Variants in ERC1 observed in about 807,000 individuals in gnomAD.
ERC1 encodes ELKS/RAB6-interacting/CAST family member 1, also known as RAB6 interacting protein 2.
In ERC1, 56 loss-of-function variants were observed where a neutral mutation model predicts 132.0. The ratio of observed to expected loss-of-function variants is 0.42; its 90% CI spans 0.34 to 0.53. The LOEUF is 0.53. Among genes scored for constraint, ERC1 ranks in the 20% least tolerant of loss-of-function variants. The pLI is 0.03. For missense variants in ERC1, 1,202 were observed against 1,349.9 expected (o/e 0.89, Z 1.72); for synonymous variants, 478 against 476.1 (o/e 1.00, Z -0.05).
chr12:1,189,869 C>T lies in ERC1; in HGVS notation c.2168C>T (p.Ala723Val). 6.2e-7 allele frequency: 1 copy of T among 1,603,648 alleles called. No homozygotes were observed. Among genetic ancestry groups the T allele is most frequent in the Non-Finnish European group, 8.5e-7 (1 of 1,174,348 alleles). Residue 723 changes from alanine (A) to valine (V), a missense_variant, in exon 12 of 19, where the codon GCA (alanine) becomes GTA (valine). By Grantham distance (64) the Ala-to-Val change is moderately conservative. Transcript: ENST00000360905. ...TGCTTTTCTTTGTAGGCACATGAGG[C>T]AGCATTGGAAGCCAGAGCCAGTCCA... ...MESQLKKAHE[A>V]ALEARASPEM...
chr12:1,122,487 ATCTC>A (rs576655141), intron 7 of ERC1, among the ~76,000 whole-genome samples: 2 of 29,336 alleles, frequency 6.8e-5, no homozygotes, highest in East Asian at 1.8e-3. Context: ...CTCTATCTCT[ATCTC>A]TATCTCTATC....
rs963579453 is a variant in ERC1, at chr12:993,862, A to G, written c.-157+2540A>G. Among the ~76,000 whole-genome samples the G allele has an allele frequency of 2.0e-5, 3 of 152,152 alleles. No homozygotes were observed. The South Asian group carries it at 6.2e-4, about 32-fold the overall frequency. On this transcript the variant is annotated intron_variant, in intron 1 of 18. Coordinates refer to ENST00000360905, the MANE Select transcript of ERC1 (RefSeq NM_178040.4). ...GGCTGCAGTGAGCCGAGATCATGCC[A>G]CTGCACTCCAGTCTGGGCTACAGAG...
intron 7 of ERC1, among the ~76,000 whole-genome samples, chr12:1,129,001 A>G (rs1045800815): frequency 1.3e-5 from 2 of 152,200 alleles, no homozygotes; most frequent in Non-Finnish European, 2.9e-5. Context: ...AGCCCAACTT[A>G]TATGTAGGAG....
chr12:1,289,420 T>C (rs774837883), intron 14 of ERC1, among the ~76,000 whole-genome samples: 8 of 152,034 alleles, frequency 5.3e-5, no homozygotes, highest in Non-Finnish European at 1.0e-4. Context: ...CTAAAAATTA[T>C]TCGTCTATGT....
At chr12:1,039,735 A>C (rs1969850583) in intron 2 of ERC1, among the ~76,000 whole-genome samples, 1 of 152,240 alleles carries the variant, frequency 6.6e-6, no homozygotes, top group Admixed American at 6.5e-5. Flanking sequence ...TGGAGATAAG[A>C]GACTAATGAC....
rs546793830 is a variant in ERC1 at position 1,434,247 on chromosome 12, G to A, written c.3025-10315G>A. The stretch of plus-strand genomic sequence containing the variant: ...GATTTCCTCACTAAAACTGGACGTG[G>A]CTTCCTTTGTGCAGTAGCTTTTTTG... On this transcript the variant is annotated intron_variant, in intron 17 of 18. Coordinates refer to ENST00000360905, the MANE Select transcript of ERC1 (RefSeq NM_178040.4). 2.4e-3 allele frequency among the ~76,000 whole-genome samples: 359 copies of A among 152,264 alleles called. 2 individuals are homozygous for A. The highest frequency in any genetic ancestry group is 2.9e-3 in the Admixed American group (44 of 15,296).
At position 1,024,914 on chromosome 12, in the gene ERC1, AATAAGT is replaced by A. The variant is rs1473331137; in HGVS notation, c.-156-2829_-156-2824del. Among the ~76,000 whole-genome samples, 422 of 152,126 alleles carry A rather than the reference AATAAGT, an allele frequency of 2.8e-3. 4 individuals are homozygous for A. Among genetic ancestry groups the A allele is most frequent in the African/African-American group, 9.7e-3 (402 of 41,446 alleles). ...GAAAAATAATACAAATAAAAAACAC[AATAAGT>A]ATAACAACGATTTACATAGCATCTA... On this transcript the variant is annotated intron_variant, in intron 1 of 18. Transcript: ENST00000360905.
chr12:1,095,508 C>T (rs144844717), intron 3 of ERC1, among the ~76,000 whole-genome samples: 1 of 152,098 alleles, frequency 6.6e-6, no homozygotes, highest in African/African-American at 2.4e-5. Flanking sequence ...TGGTCTACCA[C>T]ATTTGAAAGT....
At position 1,109,189 on chromosome 12, in the gene ERC1, C is replaced by T. The variant is rs571523790; in HGVS notation, c.1162-1003C>T. On this transcript the variant is annotated intron_variant, in intron 4 of 18. Coordinates refer to ENST00000360905, the MANE Select transcript of ERC1 (RefSeq NM_178040.4). ...TAGCCTGGGGAGAAACTAGGTACTG[C>T]GACAAACAAAATCAAGAGATCGAAT... Among the ~76,000 whole-genome samples, 9 of 152,064 alleles carry T rather than the reference C, an allele frequency of 5.9e-5. No individual in the cohort carries two copies. In the East Asian group the frequency reaches 9.6e-4, roughly 16 times the overall value.
At chr12:1,474,433 CTATGAA>C (rs2093930320) in intron 18 of ERC1, among the ~76,000 whole-genome samples, 1 of 152,194 alleles carries the variant, frequency 6.6e-6, no homozygotes, top group Non-Finnish European at 1.5e-5. Context: ...TGCTTTGTGA[CTATGAA>C]TAGAGTTGTT....
intron 4 of ERC1, among the ~76,000 whole-genome samples, chr12:1,108,433 A>G (rs768276755): frequency 1.4e-4 from 22 of 152,202 alleles, no homozygotes; most frequent in Non-Finnish European, 3.1e-4. Context: ...TGCTGGAGAT[A>G]CACTTCCCTC....
At chr12:1,172,509 T>A (rs1468456142) in intron 8 of ERC1, among the ~76,000 whole-genome samples, 1 of 152,196 alleles carries the variant, frequency 6.6e-6, no homozygotes, top group Non-Finnish European at 1.5e-5. Flanking sequence ...AGTTTACTAC[T>A]CAATAATGAT....
rs78178457 is a variant in ERC1, at chr12:1,139,389, G to A, written c.1570-2231G>A. On this transcript the variant is annotated intron_variant, in intron 7 of 18. Coordinates refer to ENST00000360905, the MANE Select transcript of ERC1 (RefSeq NM_178040.4). ...TATTTTATTTAATAATGGCCCCAAAGCATAAGAGTAATGATGCTGGCATAT... is the reference window on the plus strand; with the variant it reads ...TATTTTATTTAATAATGGCCCCAAAACATAAGAGTAATGATGCTGGCATAT... Among the ~76,000 whole-genome samples the A allele has an allele frequency of 9.5e-3, 1,451 of 152,144 alleles. 21 individuals are homozygous for A. The highest frequency in any genetic ancestry group is 0.033 in the African/African-American group (1,352 of 41,504).
At chr12:992,663 T>A (rs1959828816) in intron 1 of ERC1, among the ~76,000 whole-genome samples, 1 of 152,234 alleles carries the variant, frequency 6.6e-6, no homozygotes, top group South Asian at 2.1e-4. Context: ...TCAATGTTCT[T>A]CACATCACTC....
chr12:1,240,994 T>G (rs937849720), intron 13 of ERC1, among the ~76,000 whole-genome samples: 1 of 152,174 alleles, frequency 6.6e-6, no homozygotes, highest in Non-Finnish European at 1.5e-5. Context: ...CATTTCTTAA[T>G]TTTCAATTTT....
At chr12:1,091,975 T>TA (rs1185174899) in intron 3 of ERC1, among the ~76,000 whole-genome samples, 5 of 149,016 alleles carry the variant, frequency 3.4e-5, no homozygotes, top group East Asian at 4.0e-4. Context: ...GTCCATCTTT[T>TA]AAAAAAAAGT....
At chr12:1,421,338 C>T (rs1442555461) in intron 17 of ERC1, among the ~76,000 whole-genome samples, 2 of 152,172 alleles carry the variant, frequency 1.3e-5, no homozygotes, top group East Asian at 3.9e-4. Flanking sequence ...GGCAGCTGAT[C>T]AGAGGACGAG....
chr12:1,296,356 G>A lies in ERC1; in HGVS notation c.2780+6344G>A, dbSNP rs192411112. On this transcript the variant is annotated intron_variant, in intron 15 of 18. Coordinates refer to ENST00000360905, the MANE Select transcript of ERC1 (RefSeq NM_178040.4). ...AAAGTAATAATCATAAAATGAAAAT[G>A]GAAATTTGATAATTGAAATAGAAAT... Among the ~76,000 whole-genome samples, 15 of 147,440 alleles carry A rather than the reference G, an allele frequency of 1.0e-4. No homozygotes were observed. The East Asian group carries it at 2.6e-3, about 26-fold the overall frequency.
intron 16 of ERC1, among the ~76,000 whole-genome samples, chr12:1,389,539 T>G (rs1304965339): frequency 6.6e-6 from 1 of 152,246 alleles, no homozygotes; most frequent in African/African-American, 2.4e-5. Context: ...TGGATATGCA[T>G]TGCTAGGAGT....
Sources: gnomAD v4.1 joint callset for allele counts (sites outside exome capture counted in the v4.1 genomes callset) on GRCh38, gnomAD v4.1.1 for gene constraint, MANE v1.5 for transcripts, NCBI Gene and HGNC (gene_info 2026-07-23, HGNC 2026-07-21) for gene names.